TMTC4: variants seen among roughly 807,000 people sequenced by gnomAD.
The protein encoded by TMTC4 is protein O-mannosyl-transferase TMTC4.
TMTC4 carries 65 observed loss-of-function variants against 86.0 expected under a neutral mutation model. The ratio of observed to expected loss-of-function variants is 0.76; its 90% CI spans 0.62 to 0.93. TMTC4 has a LOEUF of 0.93. Ranked by LOEUF, TMTC4 falls within the 40% of genes least tolerant of loss-of-function variation. TMTC4 has a pLI of 0.00. For synonymous variants in TMTC4, 379 were observed against 382.5 expected (o/e 0.99, Z 0.11); for missense variants, 866 against 948.1 (o/e 0.91, Z 1.14).
In TMTC4 at chr13:100,670,515, A is replaced by C. The variant is rs1265577990; in HGVS notation, c.-153T>G. 2 of 648,190 alleles carry C rather than the reference A, an allele frequency of 3.1e-6. No individual in the cohort carries two copies. Among genetic ancestry groups the C allele is most frequent in the Non-Finnish European group, 4.9e-6 (2 of 404,618 alleles). The allele number at this position is 648,190 out of a possible 1,614,324, so 40.2% of individuals were successfully genotyped here. A position where few individuals can be genotyped will look rare whatever the true frequency, so the allele number is the denominator to read the frequency against. ...TCAGCAAGTGCTGGGGGAATACTGC[A>C]GCTACTTTTCTTTTCCAGTCAAAGG... On this transcript the variant is annotated 5_prime_UTR_variant, in exon 2 of 19. Coordinates refer to ENST00000342624, the MANE Select transcript of TMTC4 (RefSeq NM_032813.5).
chr13:100,619,159 G>A (rs1188425153), intron 15 of TMTC4, among the ~76,000 whole-genome samples: 1 of 145,398 alleles, frequency 6.9e-6, no homozygotes, highest in African/African-American at 2.5e-5. Flanking sequence ...GCGACTGGCC[G>A]GGCGGGGGGC....
intron 4 of TMTC4, among the ~76,000 whole-genome samples, chr13:100,663,393 C>T (rs965305595): frequency 2.0e-5 from 3 of 152,140 alleles, no homozygotes; most frequent in Admixed American, 2.0e-4. Context: ...CAGGGAAAAA[C>T]GGATGAAACA....
In TMTC4 at chr13:100,612,527, GA is replaced by G. The variant is rs1877770371; in HGVS notation, c.1952-18del. 1 of 1,588,412 alleles carries G rather than the reference GA, an allele frequency of 6.3e-7. No individual in the cohort carries two copies. The highest frequency in any genetic ancestry group is 8.6e-7 in the Non-Finnish European group (1 of 1,159,878). ...CTAAATTACCTGGGAGTGAAAAATG[GA>G]AAAATAAAAGACATGTTAATGTTGT... On this transcript the variant is annotated intron_variant, in intron 16 of 18. Coordinates refer to ENST00000342624, the MANE Select transcript of TMTC4 (RefSeq NM_032813.5).
At chr13:100,652,735 G>C (rs773594049) in intron 6 of TMTC4, among the ~76,000 whole-genome samples, 9 of 152,132 alleles carry the variant, frequency 5.9e-5, no homozygotes, top group Non-Finnish European at 1.2e-4. Context: ...GAGGGGTACA[G>C]GAAGGAAAAA....
At chr13:100,620,527 T>C (rs1170876700) in intron 15 of TMTC4, among the ~76,000 whole-genome samples, 1 of 152,200 alleles carries the variant, frequency 6.6e-6, no homozygotes, top group Non-Finnish European at 1.5e-5. Context: ...CATCCCATTT[T>C]TGCTCATCCA....
chr13:100,645,329 C>T (rs1299918663), intron 6 of TMTC4, among the ~76,000 whole-genome samples: 1 of 152,202 alleles, frequency 6.6e-6, no homozygotes, highest in Non-Finnish European at 1.5e-5. Context: ...ACAGTCCTGG[C>T]AGAATCCTAC....
intron 6 of TMTC4, among the ~76,000 whole-genome samples, chr13:100,645,356 T>C (rs1313290128): frequency 2.6e-5 from 4 of 152,192 alleles, no homozygotes; most frequent in East Asian, 1.9e-4. Context: ...AATAAAGCTG[T>C]TAAATGTCAC....
intron 6 of TMTC4, among the ~76,000 whole-genome samples, chr13:100,644,963 C>G (rs1053629678): frequency 6.6e-6 from 1 of 152,066 alleles, no homozygotes; most frequent in Non-Finnish European, 1.5e-5. Context: ...TACAGATGCA[C>G]GCTACCACGC....
At chr13:100,646,063 T>C (rs1367418219) in intron 6 of TMTC4, among the ~76,000 whole-genome samples, 2 of 152,154 alleles carry the variant, frequency 1.3e-5, no homozygotes, top group Non-Finnish European at 2.9e-5. Flanking sequence ...TCCATGAACC[T>C]GCACCTGGAT....
chr13:100,623,640 G>GTTTTT lies in TMTC4; in HGVS notation c.1836+1894_1836+1895insAAAAA, dbSNP rs71200708. 1.9e-3 allele frequency among the ~76,000 whole-genome samples: 178 copies of GTTTTT among 96,122 alleles called. 30 individuals carry two copies. Among genetic ancestry groups the GTTTTT allele is most frequent in the South Asian group, 2.5e-3 (6 of 2,396 alleles). The allele number at this position is 96,122 out of a possible 152,430, so 63.1% of individuals were successfully genotyped here. On this transcript the variant is annotated intron_variant, in intron 15 of 18. Coordinates refer to ENST00000342624, the MANE Select transcript of TMTC4 (RefSeq NM_032813.5). ...GTCAGTTTTGGAAACTACTAGTTGG[G>GTTTTT]TTTTGTTTTTTTTTTTTTTTTTTTT...
At position 100,632,015 on chromosome 13, in the gene TMTC4, C is replaced by CCACACACA. The variant is rs60522457; in HGVS notation, c.1506+2782_1506+2789dup. 2.7e-3 allele frequency among the ~76,000 whole-genome samples: 268 copies of CCACACACA among 99,196 alleles called. 2 individuals are homozygous for CCACACACA. Among genetic ancestry groups the CCACACACA allele is most frequent in the Non-Finnish European group, 3.2e-3 (155 of 48,870 alleles). The allele number at this position is 99,196 out of a possible 152,430, so 65.1% of individuals were successfully genotyped here. A position where few individuals can be genotyped will look rare whatever the true frequency, so the allele number is the denominator to read the frequency against. On this transcript the variant is annotated intron_variant, in intron 12 of 18. Coordinates refer to ENST00000342624, the MANE Select transcript of TMTC4 (RefSeq NM_032813.5). ...ATGTATTCCTTAAATTAAGAGGAAACCACACACACACACACACACACACAC... is the reference window on the plus strand; with the variant it reads ...ATGTATTCCTTAAATTAAGAGGAAACCACACACACACACACACACACACACACACACAC...
chr13:100,654,841 A>G (rs999777316), intron 6 of TMTC4, among the ~76,000 whole-genome samples: 1 of 152,146 alleles, frequency 6.6e-6, no homozygotes, highest in African/African-American at 2.4e-5. Flanking sequence ...TGTCCCCCAC[A>G]TGTTAAATCT....
In TMTC4 at chr13:100,664,304, C is replaced by G; in HGVS notation, c.252G>C (p.Leu84=). 6.2e-7 allele frequency: 1 copy of G among 1,611,464 alleles called. No individual in the cohort carries two copies. Among genetic ancestry groups the G allele is most frequent in the Non-Finnish European group, 8.5e-7 (1 of 1,178,692 alleles). Residue 84 remains leucine (L), a synonymous_variant, in exon 4 of 19, where the codon CTG becomes CTC. Coordinates refer to ENST00000342624, the MANE Select transcript of TMTC4 (RefSeq NM_032813.5). ...TACTGCCCCAGAAGTCATGATGCCACAGGTCCCCCAGGGGCGTTTCTGCTT... is the reference window on the plus strand; with the variant it reads ...TACTGCCCCAGAAGTCATGATGCCAGAGGTCCCCCAGGGGCGTTTCTGCTT... ...DLQAETPLGD[L]WHHDFWGSRL...
intron 7 of TMTC4, among the ~76,000 whole-genome samples, chr13:100,639,057 C>A (rs1057381943): frequency 6.6e-6 from 1 of 152,216 alleles, no homozygotes; most frequent in Admixed American, 6.5e-5. Context: ...CAGGCAGTGT[C>A]ATCGACAGAA....
At chr13:100,647,051 A>G (rs1594329836) in intron 6 of TMTC4, among the ~76,000 whole-genome samples, 1 of 152,214 alleles carries the variant, frequency 6.6e-6, no homozygotes, top group East Asian at 1.9e-4. Flanking sequence ...TTACAAGTCC[A>G]TGCCAGAGCC....
intron 2 of TMTC4, 31 bp downstream of exon 2, chr13:100,670,329 G>A: frequency 6.2e-7 from 1 of 1,606,164 alleles, no homozygotes; most frequent in Non-Finnish European, 8.5e-7. Flanking sequence ...GAGTGAAGAT[G>A]GAGACAGATC....
chr13:100,654,783 G>C (rs1050751414), intron 6 of TMTC4, among the ~76,000 whole-genome samples: 3 of 151,992 alleles, frequency 2.0e-5, no homozygotes, highest in African/African-American at 7.3e-5. Flanking sequence ...TATTTCACAA[G>C]AGCAATCTTT....
chr13:100,636,809 T>G (rs1882289452), intron 9 of TMTC4, 75 bp from the exon 10 acceptor site: 5 of 1,485,178 alleles, frequency 3.4e-6, no homozygotes, highest in Non-Finnish European at 4.6e-6. Context: ...CTAACTTCAC[T>G]TTGGAGGCAC....
chr13:100,662,896 C>T (rs986211203), intron 5 of TMTC4, 68 bp downstream of exon 5: 2 of 1,556,336 alleles, frequency 1.3e-6, no homozygotes, highest in African/African-American at 1.4e-5. Context: ...TTTTAGGAAA[C>T]CAGGCGACAT....
Sources: allele counts gnomAD v4.1 joint callset (sites outside exome capture counted in the v4.1 genomes callset), GRCh38; gene constraint gnomAD v4.1.1; transcripts MANE v1.5; gene names NCBI Gene and HGNC (gene_info 2026-07-23, HGNC 2026-07-21).